The following SLC24A2 variants were observed in gnomAD, a reference collection of about 807,000 sequenced individuals.
SLC24A2 encodes the protein sodium/potassium/calcium exchanger 2.
Under a neutral mutation model 62.0 loss-of-function variants are expected in SLC24A2, and 36 were observed. That is an observed-to-expected ratio of 0.58 (90% CI 0.44 to 0.77). The LOEUF (loss-of-function observed/expected upper bound fraction) is 0.77, where lower values mean the gene tolerates loss of function less well. Ranked by LOEUF, SLC24A2 falls within the 30% of genes least tolerant of loss-of-function variation. The probability of loss-of-function intolerance (pLI) is 0.00; values close to 1 mark genes in which losing one functional copy is unlikely to be tolerated. For synonymous variants in SLC24A2, 358 were observed against 294.0 expected, an observed-to-expected ratio of 1.22 and a Z score of -2.23; for missense variants, 846 against 817.9, an observed-to-expected ratio of 1.03 and a Z score of -0.42.
At chr9:20,231,880 A>G in the SLC24A2 span, among the ~76,000 whole-genome samples, 2 of 152,114 alleles carry the variant, frequency 1.3e-5, no homozygotes, top group African/African-American at 4.8e-5. Context: ...TTTGTCATAG[A>G]TAGCTCTTAT....
chr9:20,245,522 T>A, the SLC24A2 span, among the ~76,000 whole-genome samples: 1 of 151,770 alleles, frequency 6.6e-6, no homozygotes. Flanking sequence ...GGGTTTGGAG[T>A]CAGAAGCAGT....
the SLC24A2 span, among the ~76,000 whole-genome samples, chr9:19,874,638 C>T: frequency 2.0e-5 from 3 of 152,186 alleles, no homozygotes; most frequent in Non-Finnish European, 4.4e-5. Context: ...ATCCACATCT[C>T]TCTTTGCCAG....
the SLC24A2 span, among the ~76,000 whole-genome samples, chr9:19,922,051 T>C: frequency 1.3e-5 from 2 of 152,190 alleles, no homozygotes; most frequent in South Asian, 2.1e-4. Flanking sequence ...TGTTCATGCA[T>C]GTTTGCATGT....
At chr9:19,622,066 A>C (rs77214815) in intron 3 of SLC24A2, among the ~76,000 whole-genome samples, 195 bp downstream of exon 3, 1,823 of 152,334 alleles carry the variant, frequency 0.012, 37 homozygotes, top group African/African-American at 0.041. Flanking sequence ...CCCAGAAGGC[A>C]TGTGTCCATG....
intron 7 of SLC24A2, among the ~76,000 whole-genome samples, chr9:19,558,670 A>G (rs1835229834): frequency 6.6e-6 from 1 of 152,202 alleles, no homozygotes. Context: ...AGACTTCAAC[A>G]TTCAGTGTTC....
At chr9:19,904,858 G>A in the SLC24A2 span, among the ~76,000 whole-genome samples, 5 of 152,092 alleles carry the variant, frequency 3.3e-5, no homozygotes, top group African/African-American at 1.2e-4. Flanking sequence ...ATTTAGGCAA[G>A]TCTGGACATA....
At chr9:20,133,162 C>CA in the SLC24A2 span, among the ~76,000 whole-genome samples, 1 of 152,016 alleles carries the variant, frequency 6.6e-6, no homozygotes, top group Non-Finnish European at 1.5e-5. Flanking sequence ...CCTTACAGAC[C>CA]TCAGACTTGC....
At chr9:19,837,174 C>T in the SLC24A2 span, among the ~76,000 whole-genome samples, 18 of 151,852 alleles carry the variant, frequency 1.2e-4, no homozygotes, top group South Asian at 4.2e-4. Context: ...GCACAAGGGC[C>T]GGGTGCGGTG....
At chr9:19,820,014 TATATATATATACAC>T in the SLC24A2 span, among the ~76,000 whole-genome samples, 1,371 of 106,708 alleles carry the variant, frequency 0.013, 40 homozygotes, top group Non-Finnish European at 0.018. Context: ...TATGTGTATA[TATATATATATACAC>T]ATATATATAT....
chr9:19,908,446 C>CA, the SLC24A2 span, among the ~76,000 whole-genome samples: 1 of 152,052 alleles, frequency 6.6e-6, no homozygotes, highest in South Asian at 2.1e-4. Flanking sequence ...ATGTCTAAAA[C>CA]ACCAAAAGCA....
chr9:20,109,309 C>G, the SLC24A2 span, among the ~76,000 whole-genome samples: 16 of 152,162 alleles, frequency 1.1e-4, no homozygotes. Flanking sequence ...ACATAGCAAG[C>G]CTGAGACTGC....
the SLC24A2 span, among the ~76,000 whole-genome samples, chr9:20,193,861 C>A: frequency 6.6e-6 from 1 of 151,996 alleles, no homozygotes; most frequent in East Asian, 1.9e-4. Flanking sequence ...CAAAATGATC[C>A]TATCGGTTGA....
chr9:19,866,051 C>T, the SLC24A2 span, among the ~76,000 whole-genome samples: 1 of 152,078 alleles, frequency 6.6e-6, no homozygotes, highest in Non-Finnish European at 1.5e-5. Context: ...TTAGAATGGA[C>T]CTTTCTCAAA....
At chr9:19,683,841 A>G (rs991290362) in intron 2 of SLC24A2, among the ~76,000 whole-genome samples, 17 of 152,062 alleles carry the variant, frequency 1.1e-4, no homozygotes, top group African/African-American at 4.1e-4. Context: ...TGGTGATTTC[A>G]TGGTTACCGG....
chr9:19,715,262 T>A (rs1463512062), intron 2 of SLC24A2, among the ~76,000 whole-genome samples: 1 of 152,192 alleles, frequency 6.6e-6, no homozygotes, highest in African/African-American at 2.4e-5. Context: ...CCTCTTGTAT[T>A]TTCTTTTATA....
intron 2 of SLC24A2, among the ~76,000 whole-genome samples, chr9:19,694,465 A>G (rs1302757672): frequency 4.6e-5 from 7 of 152,132 alleles, no homozygotes; most frequent in African/African-American, 1.7e-4. Context: ...CTTATAATTT[A>G]TTTTACTTTT....
At chr9:19,549,028 C>A (rs1834715431) in intron 8 of SLC24A2, among the ~76,000 whole-genome samples, 1 of 152,234 alleles carries the variant, frequency 6.6e-6, no homozygotes. Context: ...GGCCCAAGAA[C>A]TCACTTCAAC....
the SLC24A2 span, among the ~76,000 whole-genome samples, chr9:19,973,620 T>A: frequency 6.6e-6 from 1 of 152,206 alleles, no homozygotes; most frequent in Non-Finnish European, 1.5e-5. Context: ...AAAATGTGAA[T>A]AATCCATAAC....
At chr9:19,692,098 T>G (rs1035227993) in intron 2 of SLC24A2, among the ~76,000 whole-genome samples, 1 of 152,132 alleles carries the variant, frequency 6.6e-6, no homozygotes, top group Non-Finnish European at 1.5e-5. Context: ...CATTAACCTA[T>G]CTGTAAAAGC....
Sources: allele counts gnomAD v4.1 joint callset (sites outside exome capture counted in the v4.1 genomes callset), GRCh38; gene constraint gnomAD v4.1.1; transcripts MANE v1.5; gene names NCBI Gene and HGNC (gene_info 2026-07-23, HGNC 2026-07-21).